MRPL48: variants seen among roughly 807,000 people sequenced by gnomAD.
The protein encoded by MRPL48 is large ribosomal subunit protein mL48.
MRPL48 carries 16 observed loss-of-function variants against 32.9 expected under a neutral mutation model. The ratio of observed to expected loss-of-function variants is 0.49; its 90% confidence interval spans 0.33 to 0.74. The LOEUF is 0.74. Ranked by LOEUF, MRPL48 falls within the 30% of genes least tolerant of loss-of-function variation. MRPL48 has a pLI of 0.02. For synonymous variants in MRPL48, 94 were observed against 89.2 expected, an observed-to-expected ratio of 1.05 and a Z score of -0.31; for missense variants, 206 against 245.3, an observed-to-expected ratio of 0.84 and a Z score of 1.07.
intron 4 of MRPL48, among the ~76,000 whole-genome samples, chr11:73,826,036 G>T (rs1441293008): frequency 2.0e-5 from 3 of 150,138 alleles, no homozygotes; most frequent in Non-Finnish European, 3.0e-5. Context: ...ATTTTTTTTT[G>T]AGACAGGGTC....
At chr11:73,852,859 AC>A (rs1948423738) in intron 5 of MRPL48, among the ~76,000 whole-genome samples, 1 of 152,248 alleles carries the variant, frequency 6.6e-6, no homozygotes, top group Non-Finnish European at 1.5e-5. Context: ...GTGTCTGTCA[AC>A]AGGTGAATGG....
chr11:73,793,858 G>GTTTTTTTT, intron 1 of MRPL48, among the ~76,000 whole-genome samples: 1 of 113,884 alleles, frequency 8.8e-6, no homozygotes, highest in Non-Finnish European at 1.9e-5. Flanking sequence ...CTTGTTTCGT[G>GTTTTTTTT]TTTTTTTTTT....
rs553601021 is a variant in MRPL48, at chr11:73,822,243, A to G, written c.113-3465A>G. Among the ~76,000 whole-genome samples the G allele has an allele frequency of 3.3e-5, 5 of 152,298 alleles. No homozygotes were observed. The East Asian group carries it at 9.6e-4, about 29-fold the overall frequency. ...ACGGTAAACTCTTACTCTGCTTTCAAGAATGCAGCTGTTTCCTCATCTGAA... is the reference window on the plus strand; with the variant it reads ...ACGGTAAACTCTTACTCTGCTTTCAGGAATGCAGCTGTTTCCTCATCTGAA... On this transcript the variant is annotated intron_variant, in intron 3 of 7. Coordinates refer to ENST00000310614, the MANE Select transcript of MRPL48 (RefSeq NM_016055.6).
At chr11:73,862,920 T>C (rs1948608143) in intron 6 of MRPL48, among the ~76,000 whole-genome samples, 1 of 152,170 alleles carries the variant, frequency 6.6e-6, no homozygotes, top group Non-Finnish European at 1.5e-5. Flanking sequence ...CCCTGGACTT[T>C]AAAACCTCTT....
chr11:73,842,981 A>G (rs1157551359), intron 4 of MRPL48: 1 of 151,650 alleles, frequency 6.6e-6, no homozygotes, highest in Non-Finnish European at 1.5e-5. Flanking sequence ...CCAGCTAATT[A>G]AGAAAATTTT....
intron 5 of MRPL48, among the ~76,000 whole-genome samples, chr11:73,853,951 A>G (rs1476806071): frequency 6.6e-6 from 1 of 151,950 alleles, no homozygotes; most frequent in Non-Finnish European, 1.5e-5. Flanking sequence ...CGGCCTCCCA[A>G]AGTGCTGGGA....
chr11:73,802,079 A>T (rs1054908303), intron 1 of MRPL48: 1 of 152,172 alleles, frequency 6.6e-6, no homozygotes, highest in African/African-American at 2.4e-5. Context: ...GCATTTGTCT[A>T]GGAAGAGGGT....
chr11:73,854,222 C>G (rs1378380158), intron 5 of MRPL48, among the ~76,000 whole-genome samples: 1 of 152,174 alleles, frequency 6.6e-6, no homozygotes, highest in Non-Finnish European at 1.5e-5. Context: ...AGCTAAGTTT[C>G]TGGTTCCCCC....
intron 3 of MRPL48, among the ~76,000 whole-genome samples, chr11:73,811,411 C>T (rs1342161570): frequency 1.3e-5 from 2 of 151,778 alleles, no homozygotes; most frequent in African/African-American, 4.8e-5. Context: ...AAAATATTGG[C>T]AGGAACTGAA....
chr11:73,861,892 C>T (rs1430325204), intron 6 of MRPL48, among the ~76,000 whole-genome samples: 1 of 152,188 alleles, frequency 6.6e-6, no homozygotes, highest in African/African-American at 2.4e-5. Context: ...AGCCCCCTGC[C>T]TGCCCTTTTA....
intron 4 of MRPL48, among the ~76,000 whole-genome samples, chr11:73,831,351 C>A (rs965756826): frequency 6.6e-6 from 1 of 152,148 alleles, no homozygotes; most frequent in Non-Finnish European, 1.5e-5. Flanking sequence ...AGTGATTTCC[C>A]TTTTTGCACC....
intron 1 of MRPL48, among the ~76,000 whole-genome samples, chr11:73,794,447 C>G (rs534668201): frequency 1.3e-5 from 2 of 150,806 alleles, no homozygotes; most frequent in Non-Finnish European, 3.0e-5. Flanking sequence ...CCCAGCTACT[C>G]GGGAGGTTGA....
intron 1 of MRPL48, among the ~76,000 whole-genome samples, chr11:73,788,472 C>CTTTTTTTTTTTTTT (rs11352308): frequency 9.1e-6 from 1 of 109,640 alleles, no homozygotes; most frequent in Non-Finnish European, 1.8e-5. Context: ...TCTTTTCTTT[C>CTTTTTTTTTTTTTT]TTTTTTTTTT....
intron 7 of MRPL48, among the ~76,000 whole-genome samples, chr11:73,863,624 A>C (rs1417755018): frequency 6.6e-6 from 1 of 152,196 alleles, no homozygotes; most frequent in Non-Finnish European, 1.5e-5. Flanking sequence ...TATGTTAGAG[A>C]AAAGGTTCCT....
chr11:73,814,504 G>T (rs1947623426), intron 3 of MRPL48, among the ~76,000 whole-genome samples: 2 of 152,074 alleles, frequency 1.3e-5, no homozygotes, highest in Admixed American at 1.3e-4. Flanking sequence ...AGACCAGCCT[G>T]GCCAATATGG....
At chr11:73,821,085 G>A (rs1947772050) in intron 3 of MRPL48, among the ~76,000 whole-genome samples, 1 of 152,088 alleles carries the variant, frequency 6.6e-6, no homozygotes, top group African/African-American at 2.4e-5. Flanking sequence ...GCCTTGAACT[G>A]GGCTCAAACA....
chr11:73,863,286 C>T, intron 7 of MRPL48, 25 bp downstream of exon 7: 1 of 1,528,664 alleles, frequency 6.5e-7, no homozygotes, highest in South Asian at 1.2e-5. Context: ...GAGAAGAGGC[C>T]CCTGCTGGCC....
chr11:73,855,843 C>T (rs1373481753), intron 5 of MRPL48, among the ~76,000 whole-genome samples: 1 of 152,128 alleles, frequency 6.6e-6, no homozygotes, highest in African/African-American at 2.4e-5. Flanking sequence ...GTTACTTCTT[C>T]AGGAAACCTC....
At chr11:73,861,789 C>A (rs1216128384) in intron 6 of MRPL48, among the ~76,000 whole-genome samples, 1 of 152,182 alleles carries the variant, frequency 6.6e-6, no homozygotes, top group Non-Finnish European at 1.5e-5. Context: ...TCTTGTTTTT[C>A]TTCAATATTT....
Sources: gnomAD v4.1 joint callset for allele counts (sites outside exome capture counted in the v4.1 genomes callset) on GRCh38, gnomAD v4.1.1 for gene constraint, MANE v1.5 for transcripts, NCBI Gene and HGNC (gene_info 2026-07-23, HGNC 2026-07-21) for gene names.